The following NCLN variants were observed in gnomAD, a reference collection of about 807,000 sequenced individuals.
NCLN encodes nicalin.
NCLN carries 34 observed loss-of-function variants against 69.5 expected under a neutral mutation model. That is an observed-to-expected ratio of 0.49 (90% CI 0.37 to 0.65). The LOEUF is 0.65. Ranked by LOEUF, NCLN falls within the 30% of genes least tolerant of loss-of-function variation. NCLN has a pLI of 0.00. For synonymous variants in NCLN, 393 were observed against 358.3 expected (o/e 1.10, Z -1.09); for missense variants, 710 against 804.8 (o/e 0.88, Z 1.42).
chr19:3,204,773 C>A (rs760537885), intron 9 of NCLN, 22 bp downstream of exon 9: 1 of 1,444,232 alleles, frequency 6.9e-7, no homozygotes, highest in Non-Finnish European at 9.1e-7. Context: ...AGCACCTGCC[C>A]GGCCCCTCCT....
At chr19:3,191,914 C>T (rs1434374149) in intron 1 of NCLN, among the ~76,000 whole-genome samples, 1 of 152,132 alleles carries the variant, frequency 6.6e-6, no homozygotes, top group Non-Finnish European at 1.5e-5. Context: ...AGGGGCCGGG[C>T]ACGGTGGCTC....
Position 3,190,483 on chromosome 19 carries a change from C to T in NCLN, c.185-1987C>T, listed in dbSNP as rs76159485. 7.2e-3 allele frequency among the ~76,000 whole-genome samples: 1,096 copies of T among 152,326 alleles called. 12 individuals are homozygous for T. The highest frequency in any genetic ancestry group is 0.025 in the African/African-American group (1,055 of 41,578). On this transcript the variant is annotated intron_variant, in intron 1 of 14. Transcript: ENST00000246117. The stretch of plus-strand genomic sequence containing the variant: ...TTGGAGCAGGCTGCTTCCCTCCCAC[C>T]GCTTCCCAGACAGCACATTGCTGGA...
intron 4 of NCLN, among the ~76,000 whole-genome samples, chr19:3,197,124 G>A (rs747779045): frequency 1.4e-4 from 21 of 152,256 alleles, no homozygotes; most frequent in Non-Finnish European, 2.5e-4. Flanking sequence ...GGATTGTACT[G>A]TGGGCCCGGG....
chr19:3,196,144 G>T, intron 3 of NCLN, 39 bp from the exon 4 acceptor site: 1 of 1,468,980 alleles, frequency 6.8e-7, no homozygotes, highest in Non-Finnish European at 9.2e-7. Context: ...CTGGGGCCCT[G>T]GCTGGGCCAA....
At chr19:3,206,540 A>G (rs571222468) in intron 12 of NCLN, 115 bp downstream of exon 12, 1 of 1,331,802 alleles carries the variant, frequency 7.5e-7, no homozygotes, top group East Asian at 2.6e-5. Flanking sequence ...AAATACAAAG[A>G]GAGGGTGGGA....
intron 5 of NCLN, among the ~76,000 whole-genome samples, chr19:3,199,637 G>C (rs992316108): frequency 6.6e-6 from 1 of 151,914 alleles, no homozygotes; most frequent in African/African-American, 2.4e-5. Context: ...GGTTGAGCGG[G>C]AGTGGGGTGG....
At chr19:3,198,269 G>T (rs1318336384) in intron 4 of NCLN, among the ~76,000 whole-genome samples, 1 of 152,094 alleles carries the variant, frequency 6.6e-6, no homozygotes, top group Non-Finnish European at 1.5e-5. Flanking sequence ...CACTTTGGGA[G>T]GCCGAGGTGG....
intron 9 of NCLN, 124 bp downstream of exon 9, chr19:3,204,875 G>T: frequency 9.2e-7 from 1 of 1,085,998 alleles, no homozygotes; most frequent in Admixed American, 3.9e-5. Context: ...TGCGAGGAAG[G>T]GGCCGGTGCG....
At chr19:3,198,728 G>A (rs1000872289) in intron 4 of NCLN, 89 bp from the exon 5 acceptor site, 18 of 1,047,054 alleles carry the variant, frequency 1.7e-5, no homozygotes, top group East Asian at 2.8e-5. Context: ...CGGGCCCCAC[G>A]TGGCCCAGAG....
At chr19:3,193,215 A>C in intron 2 of NCLN, 69 bp from the exon 3 acceptor site, 16 of 1,422,350 alleles carry the variant, frequency 1.1e-5, no homozygotes, top group South Asian at 2.7e-5. Context: ...AGGGACAGTC[A>C]CTGGGCCCCC....
At chr19:3,201,457 G>T in intron 5 of NCLN, 66 bp from the exon 6 acceptor site, 1 of 1,169,344 alleles carries the variant, frequency 8.6e-7, no homozygotes. Context: ...GCTGCTGTGG[G>T]CGGAGGTCAT....
In NCLN at chr19:3,193,278, C is replaced by G. The variant is rs1456931085; in HGVS notation, c.376-6C>G. 6.2e-7 allele frequency: 1 copy of G among 1,609,614 alleles called. No homozygotes were observed. The highest frequency in any genetic ancestry group is 1.7e-5 in the Admixed American group (1 of 59,804). On this transcript the variant is annotated splice_polypyrimidine_tract_variant and splice_region_variant and intron_variant, in intron 2 of 14. Coordinates refer to ENST00000246117, the MANE Select transcript of NCLN (RefSeq NM_020170.4). The stretch of plus-strand genomic sequence containing the variant: ...GCAGCCCCCTAAGTGTGTGTCTGCT[C>G]CACAGCAATTCATGGAGATCGAGCC...
chr19:3,204,509 G>A (rs1916209879), intron 8 of NCLN, 64 bp from the exon 9 acceptor site: 4 of 1,449,830 alleles, frequency 2.8e-6, no homozygotes, highest in Non-Finnish European at 2.8e-6. Context: ...TGGAGCATTT[G>A]GGGAATGGGC....
At position 3,196,408 on chromosome 19, in the gene NCLN, G is replaced by A. The variant is rs1915956867; in HGVS notation, c.615+131G>A. On this transcript the variant is annotated intron_variant, in intron 4 of 14. Transcript: ENST00000246117. ...TGGAGTCGGATCGCCCCCCTGCCTG[G>A]CTGAAAACCTCCTGTGGCTCCGCTG... The A allele has an allele frequency of 4.6e-6, 3 of 647,316 alleles. No homozygotes were observed. In the South Asian group the frequency reaches 6.1e-5, roughly 13 times the overall value. The allele number at this position is 647,316 out of a possible 1,614,324, so 40.1% of individuals were successfully genotyped here.
chr19:3,195,269 A>G (rs532912776), intron 3 of NCLN, among the ~76,000 whole-genome samples: 4 of 150,388 alleles, frequency 2.7e-5, no homozygotes, highest in Non-Finnish European at 4.4e-5. Context: ...TGTTTTTTTG[A>G]GACGGAGTCT....
intron 5 of NCLN, among the ~76,000 whole-genome samples, chr19:3,200,923 A>C (rs922741556): frequency 6.6e-6 from 1 of 152,120 alleles, no homozygotes; most frequent in African/African-American, 2.4e-5. Context: ...TGTCCCCCTG[A>C]ATTCAGTGCC....
chr19:3,190,481 A>T (rs1285531191), intron 1 of NCLN, among the ~76,000 whole-genome samples: 2 of 151,874 alleles, frequency 1.3e-5, no homozygotes, highest in Non-Finnish European at 2.9e-5. Context: ...CTTCCCTCCC[A>T]CCGCTTCCCA....
intron 8 of NCLN, 93 bp from the exon 9 acceptor site, chr19:3,204,480 G>T: frequency 7.4e-7 from 1 of 1,346,464 alleles, no homozygotes. Context: ...TTGCACCCTC[G>T]GGGGTTCTGG....
In NCLN at chr19:3,209,270, G is replaced by A. The variant is rs981232215; in HGVS notation, c.*1582G>A. The A allele has an allele frequency of 6.6e-6, 1 of 152,340 alleles. No homozygotes were observed. Among genetic ancestry groups the A allele is most frequent in the Non-Finnish European group, 1.5e-5 (1 of 68,114 alleles). 9.4% of individuals were successfully genotyped at this position (152,340 alleles called of 1,614,324 possible). On this transcript the variant is annotated 3_prime_UTR_variant, in exon 15 of 15. Coordinates refer to ENST00000246117, the MANE Select transcript of NCLN (RefSeq NM_020170.4). ...GACCCTCTTCTCCCGTCTGCCCTGC[G>A]GGTTGCCCGCCTCCTCCAGAGACTT...
Sources: gnomAD v4.1 joint callset for allele counts (sites outside exome capture counted in the v4.1 genomes callset) on GRCh38, gnomAD v4.1.1 for gene constraint, MANE v1.5 for transcripts, NCBI Gene and HGNC (gene_info 2026-07-23, HGNC 2026-07-21) for gene names.